Variants in COL20A1 observed in about 807,000 individuals in gnomAD.
COL20A1 encodes the protein collagen type XX alpha 1 chain.
A neutral mutation model predicts 152.9 loss-of-function variants in COL20A1; 164 were observed. The observed-to-expected ratio is 1.07, with a 90% CI of 0.94 to 1.22. The LOEUF (loss-of-function observed/expected upper bound fraction) is 1.22, where lower values mean the gene tolerates loss of function less well. Among genes scored for constraint, COL20A1 ranks in the 50% most tolerant of loss-of-function variants. The pLI is 0.00. For missense variants in COL20A1, 1,873 were observed against 1,744.8 expected, an observed-to-expected ratio of 1.07 and a Z score of -1.31; for synonymous variants, 864 against 756.0, an observed-to-expected ratio of 1.14 and a Z score of -2.34.
chr20:63,323,872 TCCGTTTAA>T (rs2068205506), intron 27 of COL20A1, among the ~76,000 whole-genome samples: 1 of 140,294 alleles, frequency 7.1e-6, no homozygotes, highest in Non-Finnish European at 1.5e-5. Flanking sequence ...AATCGACTTA[TCCGTTTAA>T]CCTAAACAAT....
Position 63,319,915 on chromosome 20 carries a change from G to C in COL20A1, c.2917-124G>C. Reference sequence around the variant, plus strand: ...CAGGGTCCCCCGAAACCTGAGGTGAGGTCAGGTTCCTGACCCCAGGTCCCA... The same window carrying C: ...CAGGGTCCCCCGAAACCTGAGGTGACGTCAGGTTCCTGACCCCAGGTCCCA... On this transcript the variant is annotated intron_variant, in intron 23 of 35. Coordinates refer to ENST00000358894, the MANE Select transcript of COL20A1 (RefSeq NM_020882.4). The surrounding 1 kb of genome is among the most constrained non-coding windows in gnomAD (Gnocchi z 4.4). The C allele has an allele frequency of 2.1e-6, 2 of 944,426 alleles. No homozygotes were observed. The highest frequency in any genetic ancestry group is 3.1e-6 in the Non-Finnish European group (2 of 645,902). The allele number at this position is 944,426 out of a possible 1,614,324, so 58.5% of individuals were successfully genotyped here. A position where few individuals can be genotyped will look rare whatever the true frequency, so the allele number is the denominator to read the frequency against.
intron 2 of COL20A1, among the ~76,000 whole-genome samples, chr20:63,297,139 T>C (rs945668770): frequency 6.6e-6 from 1 of 152,256 alleles, no homozygotes; most frequent in Non-Finnish European, 1.5e-5. Context: ...TGTGGGATTC[T>C]GCACCCACAC....
At chr20:63,308,801 G>A (rs2067965183) in intron 8 of COL20A1, 95 bp downstream of exon 8, 4 of 1,158,620 alleles carry the variant, frequency 3.5e-6, no homozygotes, top group Non-Finnish European at 4.7e-6. Flanking sequence ...TGGTCCCTGA[G>A]CCCCAGCTTC....
chr20:63,321,417 C>T lies in COL20A1; in HGVS notation c.3240+318C>T, dbSNP rs571839372. ...CCTTCCTTCCCCCAGGCTGGGCCTC[C>T]CCCACGAACCCTCCTCTGGCGTGGA... is the stretch of plus-strand genomic sequence containing the variant. On this transcript the variant is annotated intron_variant, in intron 26 of 35. Transcript: ENST00000358894. Among the ~76,000 whole-genome samples the T allele has an allele frequency of 2.6e-5, 4 of 152,284 alleles. No individual in the cohort carries two copies. In the East Asian group the frequency reaches 7.8e-4, roughly 30 times the overall value.
rs192116490 is a variant in COL20A1 at position 63,320,832 on chromosome 20, A to G, written c.3154-181A>G. ...GGGCCGGCTGGACACACAGGGGCTCAGTGGCCTGAGTCCTGGACCTGCCCA... is the reference window on the plus strand; with the variant it reads ...GGGCCGGCTGGACACACAGGGGCTCGGTGGCCTGAGTCCTGGACCTGCCCA... On this transcript the variant is annotated intron_variant, in intron 25 of 35. Coordinates refer to ENST00000358894, the MANE Select transcript of COL20A1 (RefSeq NM_020882.4). Among the ~76,000 whole-genome samples, 261 of 152,220 alleles carry G rather than the reference A, an allele frequency of 1.7e-3. 1 individual carries two copies. The highest frequency in any genetic ancestry group is 5.4e-3 in the African/African-American group (226 of 41,530).
At chr20:63,297,049 C>T (rs901633951) in intron 2 of COL20A1, among the ~76,000 whole-genome samples, 43 of 152,346 alleles carry the variant, frequency 2.8e-4, no homozygotes, top group Non-Finnish European at 6.3e-4. Flanking sequence ...CATCCCCCAT[C>T]GCGGGAGGCA....
chr20:63,314,406 C>G (rs778287396), intron 19 of COL20A1, among the ~76,000 whole-genome samples: 2 of 152,138 alleles, frequency 1.3e-5, no homozygotes, highest in African/African-American at 4.8e-5. Context: ...TCTCCAGGGA[C>G]AAGGACGTGG....
At chr20:63,295,501 C>T (rs1162684199) in intron 2 of COL20A1, among the ~76,000 whole-genome samples, 1 of 152,202 alleles carries the variant, frequency 6.6e-6, no homozygotes, top group Non-Finnish European at 1.5e-5. Context: ...AAGATGGAGC[C>T]GCCTTCCCTT....
chr20:63,294,735 G>A (rs569172939), intron 1 of COL20A1, among the ~76,000 whole-genome samples: 41 of 152,214 alleles, frequency 2.7e-4, no homozygotes, highest in Admixed American at 2.0e-3. Context: ...CGTGGCCCTC[G>A]GGAGCCCCAC....
chr20:63,305,732 G>C lies in COL20A1; in HGVS notation c.338-149G>C. ...GTTCAAGTCCCGACTCACCAGCAAG[G>C]CTGCCTTGCCCCTGACATCTTTGCA... is the stretch of plus-strand genomic sequence containing the variant. On this transcript the variant is annotated intron_variant, in intron 4 of 35. Coordinates refer to ENST00000358894, the MANE Select transcript of COL20A1 (RefSeq NM_020882.4). The surrounding 1 kb of genome is among the most constrained non-coding windows in gnomAD (Gnocchi z 4.9). 9.3e-7 allele frequency: 1 copy of C among 1,073,016 alleles called. No individual in the cohort carries two copies. Among genetic ancestry groups the C allele is most frequent in the Non-Finnish European group, 1.3e-6 (1 of 746,518 alleles). 66.5% of individuals were successfully genotyped at this position (1,073,016 alleles called of 1,614,324 possible). A position where few individuals can be genotyped will look rare whatever the true frequency, so the allele number is the denominator to read the frequency against.
chr20:63,311,594 G>T lies in COL20A1; in HGVS notation c.1540-31G>T. On this transcript the variant is annotated intron_variant, in intron 12 of 35. Transcript: ENST00000358894. The surrounding 1 kb of genome is among the most constrained non-coding windows in gnomAD (Gnocchi z 4.4). Reference sequence around the variant, plus strand: ...GCAGAGGAGTGGGGCAGAGCGAGTGGGGGCTGGCCTGGGACGTCATGTCTC... The same window carrying T: ...GCAGAGGAGTGGGGCAGAGCGAGTGTGGGCTGGCCTGGGACGTCATGTCTC... The T allele has an allele frequency of 6.2e-7, 1 of 1,610,606 alleles. No homozygotes were observed.
At chr20:63,295,480 A>G (rs758077867) in intron 2 of COL20A1, among the ~76,000 whole-genome samples, 55 of 152,342 alleles carry the variant, frequency 3.6e-4, no homozygotes, top group Non-Finnish European at 7.1e-4. Context: ...AGGAAGCAGG[A>G]GGCTGGGGTA....
chr20:63,326,909 C>G (rs2068258684), intron 31 of COL20A1, 86 bp downstream of exon 31: 1 of 921,974 alleles, frequency 1.1e-6, no homozygotes, highest in African/African-American at 1.8e-5. Context: ...CAGGGACTTC[C>G]TACTGACAGC....
Position 63,305,250 on chromosome 20 carries a change from C to A in COL20A1, c.194-167C>A, listed in dbSNP as rs774162616. Among the ~76,000 whole-genome samples, 1 of 152,078 alleles carries A rather than the reference C, an allele frequency of 6.6e-6. No homozygotes were observed. Among genetic ancestry groups the A allele is most frequent in the Non-Finnish European group, 1.5e-5 (1 of 68,004 alleles). On this transcript the variant is annotated intron_variant, in intron 3 of 35. Transcript: ENST00000358894. The surrounding 1 kb of genome is among the most constrained non-coding windows in gnomAD (Gnocchi z 4.9). ...CCCCCATTCTCTGTCACATTATTAC[C>A]CAGGAGCCCATGTCCCTTCCATCAG...
chr20:63,327,251 C>T (rs1441335735), intron 31 of COL20A1: 5 of 190,652 alleles, frequency 2.6e-5, no homozygotes, highest in Admixed American at 1.3e-4. Flanking sequence ...TCAGGGACTT[C>T]CTATTGACCA....
chr20:63,329,215 C>G (rs969594837), intron 34 of COL20A1: 2 of 234,094 alleles, frequency 8.5e-6, no homozygotes, highest in Non-Finnish European at 1.7e-5. Context: ...GGAACCCCTG[C>G]CCCCGGCTTG....
chr20:63,298,110 A>G (rs2123373002), intron 3 of COL20A1, 90 bp downstream of exon 3: 2 of 799,628 alleles, frequency 2.5e-6, no homozygotes, highest in Admixed American at 2.3e-5. Flanking sequence ...TCAGGCCCAC[A>G]GCATCCCTCC....
At position 63,321,032 on chromosome 20, in the gene COL20A1, C is replaced by T. The variant is rs755849843; in HGVS notation, c.3173C>T (p.Pro1058Leu). 1 of 1,593,572 alleles carries T rather than the reference C, an allele frequency of 6.3e-7. No individual in the cohort carries two copies. Among genetic ancestry groups the T allele is most frequent in the South Asian group, 1.1e-5 (1 of 87,232 alleles). ...TTCCAGAGGGATGGAGAGACCTGCC[C>T]CGCCTTCGTGTCTGCCTGTTCCTGT... The part of the protein sequence containing the change: ...LPASRDGETC[P>L]AFVSACSCSS... Residue 1058 changes from proline (P) to leucine (L), a missense_variant, in exon 26 of 36, where the codon CCC (proline) becomes CTC (leucine). Coordinates refer to ENST00000358894, the MANE Select transcript of COL20A1 (RefSeq NM_020882.4).
rs558179729 is a variant in COL20A1, at chr20:63,320,058, G to T, written c.2936G>T (p.Arg979Leu). ...SFHKVHVAVG[R>L]SKVRLYVDCR... is the part of the protein sequence containing the mutation. ...TCACAGGTGCACGTGGCTGTGGGCCGCTCCAAGGTCAGGCTCTATGTGGAC... is the reference window on the plus strand; with the variant it reads ...TCACAGGTGCACGTGGCTGTGGGCCTCTCCAAGGTCAGGCTCTATGTGGAC... Residue 979 changes from arginine (R) to leucine (L), a missense_variant, in exon 24 of 36, where the codon CGC becomes CTC. By Grantham distance (102) the Arg-to-Leu change is moderately radical (BLOSUM62 -2). Transcript: ENST00000358894. The T allele has an allele frequency of 6.4e-7, 1 of 1,554,838 alleles. No homozygotes were observed. Among genetic ancestry groups the T allele is most frequent in the South Asian group, 1.2e-5 (1 of 84,396 alleles).
Sources: allele counts gnomAD v4.1 joint callset (sites outside exome capture counted in the v4.1 genomes callset), GRCh38; gene constraint gnomAD v4.1.1; non-coding constraint Gnocchi (gnomAD v3.1); transcripts MANE v1.5; gene names NCBI Gene and HGNC (gene_info 2026-07-23, HGNC 2026-07-21).